SLC2A13: variants seen among roughly 807,000 people sequenced by gnomAD.
SLC2A13 encodes the protein solute carrier family 2 member 13, also known as proton myo-inositol cotransporter.
SLC2A13 carries 32 observed loss-of-function variants against 64.4 expected under a neutral mutation model. That is an observed-to-expected ratio of 0.50 (90% CI 0.37 to 0.67). SLC2A13 has a LOEUF of 0.67. SLC2A13 is among the 30% of genes least tolerant of loss of function. The probability of loss-of-function intolerance (pLI) is 0.00; values close to 1 mark genes in which losing one functional copy is unlikely to be tolerated. For synonymous variants in SLC2A13, 338 were observed against 327.1 expected (o/e 1.03, Z -0.36); for missense variants, 743 against 829.2 (o/e 0.90, Z 1.28).
At position 40,053,580 on chromosome 12, in the gene SLC2A13, G is replaced by T. The variant is rs978767409; in HGVS notation, c.557-5370C>A. On this transcript the variant is annotated intron_variant, in intron 1 of 9. Transcript: ENST00000280871. ...CATACATAAACTTCTAGGGGCAAAA[G>T]AGTCTTCTCTCTTCCCTGCCACTAT... Among the ~76,000 whole-genome samples, 2 of 152,136 alleles carry T rather than the reference G, an allele frequency of 1.3e-5. 1 individual carries two copies. Among genetic ancestry groups the T allele is most frequent in the South Asian group, 4.1e-4 (2 of 4,830 alleles).
chr12:40,077,969 TAGAAATGCTACTGATACTTGTA>T (rs1938243909), intron 1 of SLC2A13, among the ~76,000 whole-genome samples: 2 of 152,174 alleles, frequency 1.3e-5, no homozygotes, highest in Non-Finnish European at 2.9e-5. Context: ...TATTGATGTA[TAGAAATGCTACTGATACTTGTA>T]CATTGATTTT....
intron 7 of SLC2A13, among the ~76,000 whole-genome samples, chr12:39,800,385 A>C (rs538360904): frequency 5.3e-5 from 8 of 151,828 alleles, no homozygotes; most frequent in Admixed American, 1.3e-4. Context: ...CAATGAACTC[A>C]AACAAATTTA....
In SLC2A13 at chr12:40,012,397, GATTA is replaced by G. The variant is rs1213013708; in HGVS notation, c.925+15900_925+15903del. Among the ~76,000 whole-genome samples the G allele has an allele frequency of 4.6e-5, 7 of 152,132 alleles. No individual in the cohort carries two copies. In the East Asian group the frequency reaches 7.7e-4, roughly 17 times the overall value. On this transcript the variant is annotated intron_variant, in intron 3 of 9. Coordinates refer to ENST00000280871, the MANE Select transcript of SLC2A13 (RefSeq NM_052885.4). ...TTCTCAAAAATTATCTTTGGCACTG[GATTA>G]ATTCTCTAATTTATTCTTGTCATTT...
chr12:39,862,315 C>A (rs1168660902), intron 6 of SLC2A13, among the ~76,000 whole-genome samples: 5 of 152,170 alleles, frequency 3.3e-5, no homozygotes, highest in Non-Finnish European at 7.4e-5. Flanking sequence ...GAATTAAAAT[C>A]AAGAAGAATC....
Position 39,812,382 on chromosome 12 carries a change from C to CTTTTCT in SLC2A13, c.1445+17720_1445+17721insAGAAAA, listed in dbSNP as rs375533439. Among the ~76,000 whole-genome samples the CTTTTCT allele has an allele frequency of 2.4e-3, 239 of 101,292 alleles. 1 individual carries two copies. Among genetic ancestry groups the CTTTTCT allele is most frequent in the African/African-American group, 7.0e-3 (203 of 29,186 alleles). 66.5% of individuals were successfully genotyped at this position (101,292 alleles called of 152,430 possible). A position where few individuals can be genotyped will look rare whatever the true frequency, so the allele number is the denominator to read the frequency against. On this transcript the variant is annotated intron_variant, in intron 7 of 9. Transcript: ENST00000280871. The stretch of plus-strand genomic sequence containing the variant: ...CTTTTCTTTTCTTTTCTTTTCTTTT[C>CTTTTCT]TTTCTTTCTCTCTCTCTTTCTTCCT...
intron 3 of SLC2A13, among the ~76,000 whole-genome samples, chr12:40,027,555 T>A (rs1947835204): frequency 1.3e-5 from 2 of 152,208 alleles, no homozygotes; most frequent in Admixed American, 6.5e-5. Context: ...TTCTAACACC[T>A]GTGTAGACAT....
At chr12:39,879,588 C>A (rs893792448) in intron 4 of SLC2A13, among the ~76,000 whole-genome samples, 1 of 152,150 alleles carries the variant, frequency 6.6e-6, no homozygotes. Context: ...GGCCTGTACC[C>A]CCTTTCTTCC....
intron 4 of SLC2A13, among the ~76,000 whole-genome samples, chr12:39,879,585 AC>A (rs1944290250): frequency 6.6e-6 from 1 of 152,032 alleles, no homozygotes; most frequent in East Asian, 1.9e-4. Context: ...TGGGGCCTGT[AC>A]CCCCTTTCTT....
In SLC2A13 at chr12:39,926,930, ATG is replaced by A. The variant is rs542982143; in HGVS notation, c.1034+24325_1034+24326del. ...TGCATCCAGCTAGTTCTAACTTTAA[ATG>A]TGAAAATTTTTAGAGGTTTCATTTA... On this transcript the variant is annotated intron_variant, in intron 4 of 9. Coordinates refer to ENST00000280871, the MANE Select transcript of SLC2A13 (RefSeq NM_052885.4). Among the ~76,000 whole-genome samples the A allele has an allele frequency of 5.7e-4, 87 of 152,238 alleles. 2 individuals are homozygous for A. The highest frequency in any genetic ancestry group is 5.1e-3 in the Admixed American group (78 of 15,290).
chr12:39,821,672 G>GA (rs1339919734), intron 7 of SLC2A13, among the ~76,000 whole-genome samples: 1 of 152,146 alleles, frequency 6.6e-6, no homozygotes, highest in Non-Finnish European at 1.5e-5. Context: ...ACCGAAGAGG[G>GA]AAAAGAGGAC....
Position 40,105,763 on chromosome 12 carries a change from G to A in SLC2A13, c.46C>T (p.Leu16=), listed in dbSNP as rs2136314176. 2 of 1,490,730 alleles carry A rather than the reference G, an allele frequency of 1.3e-6. No homozygotes were observed. The highest frequency in any genetic ancestry group is 3.0e-5 in the East Asian group (1 of 33,230). 92.3% of individuals were successfully genotyped at this position (1,490,730 alleles called of 1,614,324 possible). ...SENVEYTLRS[L]SSLMGERRRK... is the part of the protein sequence containing the mutation. Reference sequence around the variant, plus strand: ...CGCCGCTCGCCCATCAGGCTGCTCAGGCTCCGCAGCGTGTACTCCACATTC... The same window carrying A: ...CGCCGCTCGCCCATCAGGCTGCTCAAGCTCCGCAGCGTGTACTCCACATTC... The change falls in exon 1 of 10, where the codon CTG becomes TTG. Residue 16 remains leucine (L), a synonymous_variant. Transcript: ENST00000280871. This position sits in a 1 kb window ranked among gnomAD's most constrained non-coding sequence, Gnocchi z 4.2.
chr12:39,764,364 T>C, intron 9 of SLC2A13, 96 bp downstream of exon 9: 1 of 1,150,350 alleles, frequency 8.7e-7, no homozygotes, highest in South Asian at 1.8e-5. Flanking sequence ...CAGCAAAATA[T>C]AACCACATAG....
chr12:39,880,313 G>A (rs547584421), intron 4 of SLC2A13, among the ~76,000 whole-genome samples: 92 of 152,206 alleles, frequency 6.0e-4, no homozygotes, highest in African/African-American at 2.1e-3. Flanking sequence ...ATAGAAAAAT[G>A]TTTTACTCAA....
chr12:39,902,355 A>T (rs1348868771), intron 4 of SLC2A13, among the ~76,000 whole-genome samples: 1 of 151,978 alleles, frequency 6.6e-6, no homozygotes, highest in East Asian at 1.9e-4. Context: ...ATAAAATAAA[A>T]ATTAAAAAAA....
chr12:39,971,997 A>ATATATATATATATATAT (rs1555144633), intron 3 of SLC2A13, among the ~76,000 whole-genome samples: 8 of 77,354 alleles, frequency 1.0e-4, no homozygotes, highest in East Asian at 3.2e-4. Flanking sequence ...AAAAAAAAAA[A>ATATATATATATATATAT]ATATATATAT....
At chr12:39,830,521 CTT>C in intron 6 of SLC2A13, 1 of 1,077,222 alleles carries the variant, frequency 9.3e-7, no homozygotes, top group East Asian at 6.2e-5. Flanking sequence ...AGCAAATAAA[CTT>C]TTGCTTTCCT....
rs191158741 is a variant in SLC2A13 at position 39,910,945 on chromosome 12, G to A, written c.1035-38984C>T. On this transcript the variant is annotated intron_variant, in intron 4 of 9. Transcript: ENST00000280871. ...TAAAAATACCAAAAATTAGCCAGGT[G>A]TAGTGGCAGGTGCTTGTAATCCCAG... Among the ~76,000 whole-genome samples the A allele has an allele frequency of 1.1e-3, 172 of 152,110 alleles. 2 individuals are homozygous for A. The highest frequency in any genetic ancestry group is 1.5e-3 in the Non-Finnish European group (100 of 68,002).
chr12:40,037,644 A>C (rs1401279678), intron 2 of SLC2A13, among the ~76,000 whole-genome samples: 1 of 151,820 alleles, frequency 6.6e-6, no homozygotes, highest in Non-Finnish European at 1.5e-5. Flanking sequence ...AAAAAAAAAA[A>C]AAAAAATTCT....
intron 3 of SLC2A13, among the ~76,000 whole-genome samples, chr12:40,026,121 T>G (rs1185138316): frequency 6.6e-6 from 1 of 152,226 alleles, no homozygotes; most frequent in Non-Finnish European, 1.5e-5. Flanking sequence ...GCAATAATGC[T>G]CTTAACTGCG....
Sources: allele counts gnomAD v4.1 joint callset (sites outside exome capture counted in the v4.1 genomes callset), GRCh38; gene constraint gnomAD v4.1.1; non-coding constraint Gnocchi (gnomAD v3.1); transcripts MANE v1.5; gene names NCBI Gene and HGNC (gene_info 2026-07-23, HGNC 2026-07-21).